Variants in ZNF273 observed in about 807,000 individuals in gnomAD.
ZNF273 encodes the protein zinc finger protein 273.
A neutral mutation model predicts 14.9 loss-of-function variants in ZNF273; 11 were observed. The ratio of observed to expected loss-of-function variants is 0.74; its 90% CI spans 0.46 to 1.22. ZNF273 has a LOEUF of 1.22. Among genes scored for constraint, ZNF273 ranks in the 50% most tolerant of loss-of-function variants. The pLI, the probability that ZNF273 is intolerant of heterozygous loss-of-function variation, is 0.00. For missense variants in ZNF273, 577 were observed against 660.6 expected, an observed-to-expected ratio of 0.87 and a Z score of 1.39; for synonymous variants, 199 against 223.9, an observed-to-expected ratio of 0.89 and a Z score of 0.99.
chr7:64,901,639 T>C (rs1251313308), upstream of ZNF273, among the ~76,000 whole-genome samples: 1 of 152,226 alleles, frequency 6.6e-6, no homozygotes, highest in African/African-American at 2.4e-5. Context: ...CCCTCTTTTC[T>C]TTTCTCTGCC....
chr7:64,897,170 C>T (rs1462674304), intron 3 of ZNF273, among the ~76,000 whole-genome samples: 1 of 152,146 alleles, frequency 6.6e-6, no homozygotes, highest in African/African-American at 2.4e-5. Context: ...ATTCTTCTCT[C>T]AGTTTTGATT....
At chr7:64,886,046 C>T (rs560596932) in intron 1 of ZNF273, among the ~76,000 whole-genome samples, 1 of 140,844 alleles carries the variant, frequency 7.1e-6, no homozygotes, top group Admixed American at 7.8e-5. Context: ...GATAATTATG[C>T]AGGCTTAGGT....
At chr7:64,886,693 G>A (rs962256037) in intron 1 of ZNF273, among the ~76,000 whole-genome samples, 4 of 152,282 alleles carry the variant, frequency 2.6e-5, no homozygotes, top group Middle Eastern at 3.4e-3. Context: ...AGGTGGTGAA[G>A]GATCTTAACC....
Position 64,917,671 on chromosome 7 carries a change from G to C in ZNF273, c.193G>C (p.Val65Leu). Residue 65 changes from valine (V) to leucine (L), a missense_variant, in exon 2 of 4, where the codon GTG (valine) becomes CTG (leucine). Transcript: ENST00000476120. ...DTSQQNLYRN[V>L]MLDNYRNLVF... The stretch of plus-strand genomic sequence containing the variant: ...TTCACAGCAGAATTTGTATAGGAAT[G>C]TGATGTTAGATAACTACAGAAACCT... The C allele has an allele frequency of 6.3e-7, 1 of 1,598,786 alleles. No individual in the cohort carries two copies. The highest frequency in any genetic ancestry group is 2.3e-5 in the East Asian group (1 of 44,370).
chr7:64,918,757 C>G (rs890408795), intron 3 of ZNF273, among the ~76,000 whole-genome samples: 2 of 145,708 alleles, frequency 1.4e-5, no homozygotes, highest in Admixed American at 1.4e-4. Context: ...TTCCTTTGCT[C>G]TCACATAGGA....
At chr7:64,908,536 TCTGC>T (rs944020041) in intron 1 of ZNF273, among the ~76,000 whole-genome samples, 2 of 152,208 alleles carry the variant, frequency 1.3e-5, no homozygotes, top group Admixed American at 6.5e-5. Flanking sequence ...CACTGCAACC[TCTGC>T]CTGCCAGGTT....
chr7:64,932,352 C>G (rs1795007556), downstream of ZNF273, among the ~76,000 whole-genome samples: 1 of 151,726 alleles, frequency 6.6e-6, no homozygotes, highest in Non-Finnish European at 1.5e-5. Context: ...CTCTTGTTGC[C>G]CAGGCTGGAG....
intron 1 of ZNF273, among the ~76,000 whole-genome samples, chr7:64,914,736 C>T (rs2129074921): frequency 6.6e-6 from 1 of 152,192 alleles, no homozygotes; most frequent in South Asian, 2.1e-4. Context: ...TTATAAAGAA[C>T]AGAAACGGGC....
At chr7:64,886,787 CT>C (rs915365420) in intron 1 of ZNF273, among the ~76,000 whole-genome samples, 5 of 152,236 alleles carry the variant, frequency 3.3e-5, no homozygotes, top group Admixed American at 3.3e-4. Flanking sequence ...ATGCTTTTTA[CT>C]TTCCATCAAA....
chr7:64,909,964 C>T (rs1278674929), intron 1 of ZNF273, among the ~76,000 whole-genome samples: 1 of 151,758 alleles, frequency 6.6e-6, no homozygotes, highest in Non-Finnish European at 1.5e-5. Context: ...TTTTAATATG[C>T]TTGTTAGCCA....
Position 64,918,286 on chromosome 7 carries a change from C to G in ZNF273, c.319C>G (p.Pro107Ala). ...GAAGAGACATGCGATGGTAGCCAAA[C>G]CCCCAGGTAGGTGAGAGTGATAGCG... ...NMKRHAMVAK[P>A]PVVCSHFAQD... The change falls in exon 3 of 4, where the codon CCC (proline) becomes GCC (alanine). Residue 107 changes from proline to alanine, a missense_variant. By Grantham distance (27) the Pro-to-Ala change is conservative. Around this residue, in one of 3 missense-constraint regions of ZNF273, gnomAD observed 162 missense variants for 203.5 expected, o/e 0.80. Transcript: ENST00000476120. 5 of 1,558,820 alleles carry G rather than the reference C, an allele frequency of 3.2e-6. No individual in the cohort carries two copies. Among genetic ancestry groups the G allele is most frequent in the African/African-American group, 1.4e-5 (1 of 73,120 alleles).
chr7:64,886,100 C>T (rs927582259), intron 1 of ZNF273, among the ~76,000 whole-genome samples: 1 of 152,202 alleles, frequency 6.6e-6, no homozygotes, highest in Non-Finnish European at 1.5e-5. Flanking sequence ...TGGATTTCCA[C>T]CTCTGCAAGG....
intron 1 of ZNF273, among the ~76,000 whole-genome samples, chr7:64,885,534 C>T (rs1227306535): frequency 6.6e-6 from 1 of 152,236 alleles, no homozygotes; most frequent in African/African-American, 2.4e-5. Context: ...TGCAGAGTCT[C>T]ATGAATCTGT....
At chr7:64,901,776 G>T (rs1792732163), upstream of ZNF273, among the ~76,000 whole-genome samples, 3 of 149,784 alleles carry the variant, frequency 2.0e-5, no homozygotes. Context: ...CATGGAGAAA[G>T]GCCGTCTCTA....
chr7:64,920,492 A>G (rs1794351844), intron 3 of ZNF273, among the ~76,000 whole-genome samples: 1 of 152,170 alleles, frequency 6.6e-6, no homozygotes, highest in Non-Finnish European at 1.5e-5. Context: ...GTCTGTCCGC[A>G]TGGCTATAAA....
At chr7:64,910,533 G>A (rs1793415311) in intron 1 of ZNF273, among the ~76,000 whole-genome samples, 1 of 151,988 alleles carries the variant, frequency 6.6e-6, no homozygotes, top group Non-Finnish European at 1.5e-5. Flanking sequence ...CTATGAGCCT[G>A]TTTTTTGTTT....
At chr7:64,906,991 A>G (rs1330766285) in intron 1 of ZNF273, among the ~76,000 whole-genome samples, 1 of 152,168 alleles carries the variant, frequency 6.6e-6, no homozygotes, top group Non-Finnish European at 1.5e-5. Flanking sequence ...TATATCAGAG[A>G]ATGTTTTACC....
rs1469451034 is a variant in ZNF273, at chr7:64,929,025, G to A, written c.1697G>A (p.Gly566Asp). ...NFSRHKRNHM[G>D]EKS ...TCTAGACATAAAAGAAATCATATGGGTGAGAAATCCTAGAAATGTGAAGAA... is the reference window on the plus strand; with the variant it reads ...TCTAGACATAAAAGAAATCATATGGATGAGAAATCCTAGAAATGTGAAGAA... Residue 566 changes from glycine to aspartate, a missense_variant, in exon 4 of 4, where the codon GGT becomes GAT. Coordinates refer to ENST00000476120, the MANE Select transcript of ZNF273 (RefSeq NM_021148.3). 6 of 1,542,010 alleles carry A rather than the reference G, an allele frequency of 3.9e-6. No homozygotes were observed. In the South Asian group the frequency reaches 6.5e-5, roughly 17 times the overall value.
upstream of ZNF273, among the ~76,000 whole-genome samples, chr7:64,899,666 G>A (rs200124581): frequency 0.038 from 5,685 of 149,770 alleles, 173 homozygotes; most frequent in East Asian, 0.15. Context: ...AAAAAAAAAA[G>A]AAAAAATATT....
Sources: gnomAD v4.1 joint callset for allele counts (sites outside exome capture counted in the v4.1 genomes callset) on GRCh38, gnomAD v4.1.1 for gene constraint, gnomAD v4.1.1 regional missense constraint, MANE v1.5 for transcripts, NCBI Gene and HGNC (gene_info 2026-07-23, HGNC 2026-07-21) for gene names.